Variants in MROH9 observed in about 807,000 individuals in gnomAD.
The protein encoded by MROH9 is maestro heat-like repeat-containing protein family member 9.
A neutral mutation model predicts 98.2 loss-of-function variants in MROH9; 92 were observed. That is an observed-to-expected ratio of 0.94 (90% confidence interval 0.79 to 1.11). The LOEUF (loss-of-function observed/expected upper bound fraction) is 1.11. Ranked by LOEUF, MROH9 falls within the 50% of genes most tolerant of loss-of-function variation. The pLI is 0.00. For missense variants in MROH9, 1,057 were observed against 1,014.8 expected (o/e 1.04, Z -0.57); for synonymous variants, 397 against 368.9 (o/e 1.08, Z -0.87).
At chr1:170,977,132 C>T (rs1407833599) in intron 8 of MROH9, among the ~76,000 whole-genome samples, 1 of 152,126 alleles carries the variant, frequency 6.6e-6, no homozygotes, top group East Asian at 1.9e-4. Context: ...CAGTCAGCTC[C>T]TGTATCATTT....
chr1:171,009,587 T>C (rs560568714), intron 15 of MROH9, among the ~76,000 whole-genome samples: 1 of 152,336 alleles, frequency 6.6e-6, no homozygotes, highest in Admixed American at 6.5e-5. Context: ...TATGTTAGCT[T>C]TGAATTAAAA....
intron 9 of MROH9, 149 bp downstream of exon 9, chr1:170,983,683 T>G: frequency 3.4e-6 from 2 of 580,828 alleles, no homozygotes; most frequent in Non-Finnish European, 6.1e-6. Context: ...TATAGACCAT[T>G]TAGTTTTCTG....
intron 5 of MROH9, among the ~76,000 whole-genome samples, chr1:170,961,414 C>G (rs187589279): frequency 1.3e-5 from 2 of 152,180 alleles, no homozygotes; most frequent in Admixed American, 6.5e-5. Flanking sequence ...TGAAAATGAA[C>G]TCAAAATCAC....
chr1:170,953,853 GAGAA>G lies in MROH9; in HGVS notation c.73-4600_73-4597del, dbSNP rs1571444471. The stretch of plus-strand genomic sequence containing the variant: ...AAAAAGAAAGGAAGGAAGGAAGAAA[GAGAA>G]AGAAAGAGAGAGAGAGAGAGAGAAA... On this transcript the variant is annotated intron_variant, in intron 3 of 21. Coordinates refer to ENST00000367759, the MANE Select transcript of MROH9 (RefSeq NM_001163629.2). Among the ~76,000 whole-genome samples, 26 of 105,756 alleles carry G rather than the reference GAGAA, an allele frequency of 2.5e-4. No homozygotes were observed. In the South Asian group the frequency reaches 4.2e-3, roughly 17 times the overall value. The allele number at this position is 105,756 out of a possible 152,430, so 69.4% of individuals were successfully genotyped here.
chr1:170,981,759 T>A (rs1650939974), intron 8 of MROH9, among the ~76,000 whole-genome samples: 1 of 149,642 alleles, frequency 6.7e-6, no homozygotes, highest in Non-Finnish European at 1.5e-5. Context: ...AAAAAAACTC[T>A]CTATGAAAAA....
At chr1:171,015,383 T>A (rs539966073) in intron 16 of MROH9, among the ~76,000 whole-genome samples, 4 of 152,310 alleles carry the variant, frequency 2.6e-5, no homozygotes, top group African/African-American at 9.6e-5. Flanking sequence ...AGAAAAGTAG[T>A]GGAAAGTGAT....
rs148608577 is a variant in MROH9 at position 171,064,598 on chromosome 1, A to G, written c.*258A>G. ...CTATTTCATCAAAACCACTAAGACA[A>G]TTGAAAATAACATAAGCAAAGTGTT... On this transcript the variant is annotated 3_prime_UTR_variant, in exon 22 of 22. Transcript: ENST00000367759. 1.5e-5 allele frequency: 5 copies of G among 337,878 alleles called. No individual in the cohort carries two copies. Among genetic ancestry groups the G allele is most frequent in the African/African-American group, 4.3e-5 (2 of 46,580 alleles). 20.9% of individuals were successfully genotyped at this position (337,878 alleles called of 1,614,324 possible). A position where few individuals can be genotyped will look rare whatever the true frequency, so the allele number is the denominator to read the frequency against.
At chr1:171,047,137 C>A (rs1653495062) in intron 20 of MROH9, among the ~76,000 whole-genome samples, 1 of 151,984 alleles carries the variant, frequency 6.6e-6, no homozygotes, top group Non-Finnish European at 1.5e-5. Flanking sequence ...TGTTAAATGC[C>A]TTAGGTAGTC....
intron 7 of MROH9, 76 bp downstream of exon 7, chr1:170,965,331 T>C: frequency 2.0e-6 from 2 of 1,019,538 alleles, no homozygotes; most frequent in African/African-American, 1.6e-5. Context: ...ATGTCTTGGG[T>C]CCTAACAGTA....
At chr1:170,999,879 C>G (rs1651729445) in intron 15 of MROH9, among the ~76,000 whole-genome samples, 1 of 152,076 alleles carries the variant, frequency 6.6e-6, no homozygotes, top group Non-Finnish European at 1.5e-5. Flanking sequence ...GTCATTCTTG[C>G]AGGAGTAAGG....
At chr1:171,014,894 G>A (rs1652276350) in intron 16 of MROH9, 1 of 447,550 alleles carries the variant, frequency 2.2e-6, no homozygotes, top group Non-Finnish European at 4.7e-6. Flanking sequence ...TTCTGGGGTG[G>A]GCCCACCAAT....
chr1:170,939,228 A>G (rs1181859641), intron 1 of MROH9, among the ~76,000 whole-genome samples: 1 of 152,254 alleles, frequency 6.6e-6, no homozygotes, highest in Admixed American at 6.5e-5. Flanking sequence ...GACCATCTAG[A>G]AAAATCACTG....
intron 10 of MROH9, among the ~76,000 whole-genome samples, chr1:170,987,794 C>T (rs1002613833): frequency 1.3e-5 from 2 of 152,194 alleles, no homozygotes; most frequent in Non-Finnish European, 2.9e-5. Context: ...TTCATATATC[C>T]TACCAACATT....
At position 170,959,572 on chromosome 1, in the gene MROH9, G is replaced by T; in HGVS notation, c.263G>T (p.Ser88Ile). The change falls in exon 5 of 22, where the codon AGT becomes ATT. Residue 88 changes from serine to isoleucine, a missense_variant. Ser to Ile is a moderately radical substitution (Grantham distance 142). Coordinates refer to ENST00000367759, the MANE Select transcript of MROH9 (RefSeq NM_001163629.2). ...GACAAAGTAAAAGAAATGGGGAGCA[G>T]TTATGAGTACATTGAGGACATGGAG... is the stretch of plus-strand genomic sequence containing the variant. ...SLDKVKEMGS[S>I]YEYIEDMENL... 1 of 1,613,504 alleles carries T rather than the reference G, an allele frequency of 6.2e-7. No individual in the cohort carries two copies. The highest frequency in any genetic ancestry group is 8.5e-7 in the Non-Finnish European group (1 of 1,179,806).
At chr1:170,999,244 A>C (rs534698966) in intron 15 of MROH9, among the ~76,000 whole-genome samples, 98 of 152,004 alleles carry the variant, frequency 6.4e-4, no homozygotes, top group African/African-American at 2.2e-3. Context: ...GTGATTTGTG[A>C]GATTTTGATG....
intron 17 of MROH9, 120 bp downstream of exon 17, chr1:171,016,456 T>C (rs1408808530): frequency 4.1e-6 from 3 of 734,780 alleles, no homozygotes; most frequent in Non-Finnish European, 5.9e-6. Context: ...ACCATTTCTT[T>C]TACAGAGATA....
chr1:170,969,341 A>G (rs1264402849), intron 7 of MROH9, among the ~76,000 whole-genome samples: 1 of 152,228 alleles, frequency 6.6e-6, no homozygotes, highest in Non-Finnish European at 1.5e-5. Context: ...TACATTTTGT[A>G]TGATTCTACT....
chr1:171,038,661 CA>C (rs1355898670), intron 20 of MROH9, among the ~76,000 whole-genome samples: 2 of 151,872 alleles, frequency 1.3e-5, no homozygotes, highest in Non-Finnish European at 2.9e-5. Flanking sequence ...AAGAAACAAA[CA>C]AAAAAAGTAA....
intron 7 of MROH9, among the ~76,000 whole-genome samples, chr1:170,967,021 T>TGGA (rs1200157572): frequency 1.3e-5 from 2 of 152,202 alleles, no homozygotes; most frequent in Non-Finnish European, 2.9e-5. Context: ...ATAGGCATTT[T>TGGA]GGAGTTTCAT....
Sources: allele counts gnomAD v4.1 joint callset (sites outside exome capture counted in the v4.1 genomes callset), GRCh38; gene constraint gnomAD v4.1.1; transcripts MANE v1.5; gene names NCBI Gene and HGNC (gene_info 2026-07-23, HGNC 2026-07-21).